NRG1: variants seen among roughly 807,000 people sequenced by gnomAD.
NRG1 encodes pro-neuregulin-1, membrane-bound isoform.
Under a neutral mutation model 63.8 loss-of-function variants are expected in NRG1, and 18 were observed. That is an observed-to-expected ratio of 0.28 (90% CI 0.19 to 0.42). The LOEUF is 0.42. Ranked by LOEUF, NRG1 falls within the 10% of genes least tolerant of loss-of-function variation. The pLI, the probability that NRG1 is intolerant of heterozygous loss-of-function variation, is 1.00. For missense variants in NRG1, 762 were observed against 814.7 expected (o/e 0.94, Z 0.79); for synonymous variants, 302 against 301.3 (o/e 1.00, Z -0.02).
chr8:32,454,552 C>G (rs1266339752), intron 1 of NRG1, among the ~76,000 whole-genome samples: 3 of 149,356 alleles, frequency 2.0e-5, no homozygotes, highest in African/African-American at 7.4e-5. Flanking sequence ...TTAATCTGTG[C>G]CCAGTCCTCT....
At chr8:31,832,968 G>A (rs1198697433) in intron 1 of NRG1, among the ~76,000 whole-genome samples, 1 of 152,034 alleles carries the variant, frequency 6.6e-6, no homozygotes, top group African/African-American at 2.4e-5. Flanking sequence ...AGTTACCAAG[G>A]ACAGATGCAA....
intron 5 of NRG1, among the ~76,000 whole-genome samples, chr8:32,706,909 C>A (rs1816574955): frequency 6.6e-6 from 1 of 152,008 alleles, no homozygotes; most frequent in South Asian, 2.1e-4. Flanking sequence ...AGAAATGAAT[C>A]TTCTTTGCAG....
intron 1 of NRG1, among the ~76,000 whole-genome samples, chr8:32,409,960 G>A (rs952038927): frequency 3.3e-5 from 5 of 151,896 alleles, no homozygotes; most frequent in Admixed American, 1.3e-4. Flanking sequence ...GTGTACCATC[G>A]TTATCTCTGC....
intron 1 of NRG1, among the ~76,000 whole-genome samples, chr8:32,531,120 AAGAG>A (rs912985267): frequency 1.9e-4 from 29 of 152,110 alleles, no homozygotes; most frequent in Admixed American, 1.0e-3. Context: ...GAAAGAAAGA[AAGAG>A]AGACAGAGAG....
intron 1 of NRG1, among the ~76,000 whole-genome samples, chr8:32,331,340 G>A (rs1449375708): frequency 4.3e-5 from 5 of 116,420 alleles, no homozygotes; most frequent in African/African-American, 1.0e-4. Flanking sequence ...GCAACATGGC[G>A]AAACTCCCAA....
intron 1 of NRG1, among the ~76,000 whole-genome samples, chr8:32,400,634 G>T (rs1055307655): frequency 1.3e-5 from 2 of 152,128 alleles, no homozygotes; most frequent in African/African-American, 4.8e-5. Context: ...TTATTAAAAG[G>T]TCAAAAAATA....
At chr8:32,379,408 T>C (rs183844404) in intron 1 of NRG1, among the ~76,000 whole-genome samples, 2 of 152,248 alleles carry the variant, frequency 1.3e-5, no homozygotes, top group East Asian at 1.9e-4. Flanking sequence ...CTGCCCTCAA[T>C]AACAAGAGAA....
At chr8:32,103,185 A>G (rs1830793314) in intron 1 of NRG1, among the ~76,000 whole-genome samples, 2 of 152,154 alleles carry the variant, frequency 1.3e-5, no homozygotes, top group Admixed American at 1.3e-4. Context: ...CTGATCCCCC[A>G]GTACCCTTCC....
At chr8:32,719,473 G>C (rs1213302960) in intron 5 of NRG1, among the ~76,000 whole-genome samples, 1 of 151,796 alleles carries the variant, frequency 6.6e-6, no homozygotes, top group African/African-American at 2.4e-5. Context: ...AAATATTTCA[G>C]TATGTATCTC....
At chr8:32,302,200 G>A (rs1267350580) in intron 1 of NRG1, among the ~76,000 whole-genome samples, 2 of 152,150 alleles carry the variant, frequency 1.3e-5, no homozygotes, top group Non-Finnish European at 2.9e-5. Context: ...GTTTCCTTGA[G>A]GTGAAATCTG....
intron 1 of NRG1, among the ~76,000 whole-genome samples, chr8:32,014,337 T>G (rs1018802031): frequency 3.3e-5 from 5 of 152,180 alleles, no homozygotes; most frequent in African/African-American, 1.2e-4. Context: ...AGCTCACTCA[T>G]GATTTGGCTC....
At chr8:32,571,221 A>G (rs964653181) in intron 1 of NRG1, among the ~76,000 whole-genome samples, 1 of 152,210 alleles carries the variant, frequency 6.6e-6, no homozygotes, top group East Asian at 1.9e-4. Flanking sequence ...ACTAGTAATA[A>G]TGGATGCCGG....
chr8:31,782,508 A>G (rs1029477754), intron 1 of NRG1, among the ~76,000 whole-genome samples: 1 of 152,174 alleles, frequency 6.6e-6, no homozygotes, highest in African/African-American at 2.4e-5. Context: ...TATTCCAGTG[A>G]CTGAAACAAT....
intron 1 of NRG1, chr8:31,639,891 G>A (rs1341022125): frequency 9.2e-7 from 1 of 1,085,612 alleles, no homozygotes; most frequent in Admixed American, 5.2e-5. Context: ...GGAGGAGGAG[G>A]AGTGGTGCTG....
intron 1 of NRG1, among the ~76,000 whole-genome samples, chr8:32,085,089 T>C (rs1828022249): frequency 6.6e-6 from 1 of 152,222 alleles, no homozygotes; most frequent in South Asian, 2.1e-4. Flanking sequence ...TTGCCCTTAG[T>C]TTGAAGGAGG....
At chr8:31,730,349 GATATAAATGAC>G (rs1813898209) in intron 1 of NRG1, among the ~76,000 whole-genome samples, 1 of 152,000 alleles carries the variant, frequency 6.6e-6, no homozygotes, top group Non-Finnish European at 1.5e-5. Flanking sequence ...CCAGGCTGGG[GATATAAATGAC>G]ATATAAAGAT....
intron 1 of NRG1, among the ~76,000 whole-genome samples, chr8:32,002,506 G>A (rs1196253822): frequency 5.9e-5 from 9 of 151,542 alleles, no homozygotes; most frequent in East Asian, 1.9e-4. Flanking sequence ...CCCCTCTGAC[G>A]TTTCCCATCA....
At chr8:31,914,951 G>A (rs1833254770) in intron 1 of NRG1, among the ~76,000 whole-genome samples, 1 of 151,810 alleles carries the variant, frequency 6.6e-6, no homozygotes, top group Admixed American at 6.6e-5. Flanking sequence ...TCACCATATG[G>A]TATAAATTAT....
chr8:32,346,174 A>C (rs1804868283), intron 1 of NRG1, among the ~76,000 whole-genome samples: 1 of 147,228 alleles, frequency 6.8e-6, no homozygotes, highest in South Asian at 2.1e-4. Context: ...TATATAGGTG[A>C]ATATATACAG....
Sources: allele counts gnomAD v4.1 joint callset (sites outside exome capture counted in the v4.1 genomes callset), GRCh38; gene constraint gnomAD v4.1.1; transcripts MANE v1.5; gene names NCBI Gene and HGNC (gene_info 2026-07-23, HGNC 2026-07-21).